EFCAB7: variants seen among roughly 807,000 people sequenced by gnomAD.
EFCAB7 encodes the protein EF-hand calcium binding domain 7, also known as EF-hand calcium-binding domain-containing protein 7.
In EFCAB7, 66 loss-of-function variants were observed where a neutral mutation model predicts 77.1. The observed-to-expected ratio is 0.86, with a 90% CI of 0.70 to 1.05. The LOEUF is 1.05. EFCAB7 is among the 50% of genes least tolerant of loss of function. EFCAB7 has a pLI of 0.00. For missense variants in EFCAB7, 638 were observed against 730.5 expected (o/e 0.87, Z 1.46); for synonymous variants, 225 against 243.3 (o/e 0.92, Z 0.70).
At chr1:63,562,193 C>G (rs1443473340) in intron 11 of EFCAB7, among the ~76,000 whole-genome samples, 2 of 151,784 alleles carry the variant, frequency 1.3e-5, no homozygotes, top group African/African-American at 2.4e-5. Flanking sequence ...TTTGTCTTAA[C>G]AGTTTAAAGG....
chr1:63,527,633 A>G (rs1217830629), intron 2 of EFCAB7, among the ~76,000 whole-genome samples: 4 of 152,190 alleles, frequency 2.6e-5, no homozygotes, highest in Non-Finnish European at 5.9e-5. Flanking sequence ...ACTATCATCA[A>G]ACTTAATCAT....
intron 7 of EFCAB7, chr1:63,550,315 C>T (rs1266583479): frequency 6.6e-6 from 1 of 152,096 alleles, no homozygotes; most frequent in Non-Finnish European, 1.5e-5. Flanking sequence ...ATGGAGCTAA[C>T]ATTTTCAGAG....
intron 7 of EFCAB7, chr1:63,549,618 G>A (rs761231050): frequency 3.7e-5 from 15 of 407,954 alleles, no homozygotes; most frequent in South Asian, 2.9e-4. Flanking sequence ...TAAGTATTTA[G>A]ATATATCGCT....
In EFCAB7 at chr1:63,545,951, C is replaced by G. The variant is rs1339110440; in HGVS notation, c.840C>G (p.Phe280Leu). ...WQHMQSKGCF[F>L]LEEDGEIISH... ...ACATGCAATCAAAAGGTTGCTTCTT[C>G]TTAGAAGAAGATGGTGAAATCATTA... Residue 280 changes from phenylalanine (F) to leucine (L), a missense_variant, in exon 7 of 14, where the codon TTC (phenylalanine) becomes TTG (leucine). By Grantham distance (22) the Phe-to-Leu change is conservative (BLOSUM62 0). Transcript: ENST00000371088. 5 of 1,613,632 alleles carry G rather than the reference C, an allele frequency of 3.1e-6. No individual in the cohort carries two copies. Among genetic ancestry groups the G allele is most frequent in the Non-Finnish European group, 3.4e-6 (4 of 1,179,884 alleles).
At position 63,551,809 on chromosome 1, in the gene EFCAB7, GT is replaced by G; in HGVS notation, c.1035del (p.Phe345LeufsTer16). ...NESQANLQLV[C>X]FTELRNREVF... ...AGTCAAGCAAATCTACAGCTTGTGT[GT>G]TTTACCGAACTACGAAATAGAGAAG... On this transcript the variant is annotated frameshift_variant, in exon 8 of 14. Transcript: ENST00000371088. LOFTEE classifies it high-confidence loss of function. 1 of 1,593,306 alleles carries G rather than the reference GT, an allele frequency of 6.3e-7. No individual in the cohort carries two copies.
chr1:63,575,685 G>A (rs957436454), downstream of EFCAB7, among the ~76,000 whole-genome samples: 9 of 152,036 alleles, frequency 5.9e-5, no homozygotes, highest in African/African-American at 2.2e-4. Flanking sequence ...CTGGGCTCAG[G>A]TGATTCTTCC....
At chr1:63,540,058 C>T (rs4578247) in intron 6 of EFCAB7, among the ~76,000 whole-genome samples, 3,255 of 152,124 alleles carry the variant, frequency 0.021, 122 homozygotes, top group African/African-American at 0.074. Context: ...TGTATCATTA[C>T]TCATCATTAA....
At position 63,568,339 on chromosome 1, in the gene EFCAB7, A is replaced by G. The variant is rs781690719; in HGVS notation, c.1527A>G (p.Ala509=). 6.2e-7 allele frequency: 1 copy of G among 1,603,166 alleles called. No individual in the cohort carries two copies. The highest frequency in any genetic ancestry group is 8.5e-7 in the Non-Finnish European group (1 of 1,176,900). The part of the protein sequence containing the change: ...EACPFVIDIY[A]EKCKPKIKAV... The stretch of plus-strand genomic sequence containing the variant: ...GTCCATTTGTCATTGATATCTATGC[A>G]GAAAAATGCAAGCCAAAAATTAAAG... Residue 509 remains alanine (A), a synonymous_variant, in exon 12 of 14, where the codon GCA becomes GCG. Coordinates refer to ENST00000371088, the MANE Select transcript of EFCAB7 (RefSeq NM_032437.4).
At chr1:63,574,054 T>TA (rs1360564956), downstream of EFCAB7, among the ~76,000 whole-genome samples, 1 of 152,192 alleles carries the variant, frequency 6.6e-6, no homozygotes, top group Non-Finnish European at 1.5e-5. Context: ...GAAAGGCCTC[T>TA]ACCCATCCAA....
chr1:63,575,365 G>T (rs1647382422), downstream of EFCAB7, among the ~76,000 whole-genome samples: 1 of 151,896 alleles, frequency 6.6e-6, no homozygotes, highest in African/African-American at 2.4e-5. Context: ...ATATGAAGCA[G>T]AAACTTAATA....
intron 8 of EFCAB7, 152 bp from the exon 9 acceptor site, chr1:63,555,206 A>G: frequency 3.7e-6 from 3 of 818,978 alleles, no homozygotes; most frequent in Non-Finnish European, 5.3e-6. Context: ...TGAAACCTGT[A>G]AAAAGACTGA....
chr1:63,568,913 A>G (rs1229465548), intron 12 of EFCAB7: 1 of 153,498 alleles, frequency 6.5e-6, no homozygotes, highest in Non-Finnish European at 1.4e-5. Flanking sequence ...GTTTTACACT[A>G]ACGTTGCAGA....
intron 9 of EFCAB7, among the ~76,000 whole-genome samples, chr1:63,555,992 C>T (rs1647026168): frequency 6.6e-6 from 1 of 152,134 alleles, no homozygotes; most frequent in South Asian, 2.1e-4. Flanking sequence ...CCTGCCTCAA[C>T]CTTTCAAAGT....
rs143177505 is a variant in EFCAB7, at chr1:63,568,344, A to C, written c.1532A>C (p.Lys511Thr). Reference sequence around the variant, plus strand: ...TTTGTCATTGATATCTATGCAGAAAAATGCAAGCCAAAAATTAAAGCTGTC... The same window carrying C: ...TTTGTCATTGATATCTATGCAGAAACATGCAAGCCAAAAATTAAAGCTGTC... ...CPFVIDIYAE[K>T]CKPKIKAVHM... Residue 511 changes from lysine (K) to threonine (T), a missense_variant, in exon 12 of 14, where the codon AAA becomes ACA. Transcript: ENST00000371088. 6.9e-6 allele frequency: 11 copies of C among 1,602,970 alleles called. No individual in the cohort carries two copies. Among genetic ancestry groups the C allele is most frequent in the Non-Finnish European group, 7.6e-6 (9 of 1,176,866 alleles).
At chr1:63,571,986 G>A (rs889630090) in intron 13 of EFCAB7, among the ~76,000 whole-genome samples, 1 of 152,126 alleles carries the variant, frequency 6.6e-6, no homozygotes, top group African/African-American at 2.4e-5. Flanking sequence ...GGGTTCAAAG[G>A]CAGGGACAGA....
At chr1:63,527,800 T>G (rs1046465840) in intron 2 of EFCAB7, 3 of 152,224 alleles carry the variant, frequency 2.0e-5, no homozygotes, top group African/African-American at 7.2e-5. Context: ...AGTACATTTT[T>G]TAAAACAATA....
downstream of EFCAB7, among the ~76,000 whole-genome samples, chr1:63,576,540 C>A (rs1323377780): frequency 3.3e-5 from 5 of 151,452 alleles, no homozygotes; most frequent in African/African-American, 1.2e-4. Context: ...GTACTCTTGT[C>A]CAGGTGCAGT....
chr1:63,571,949 A>T (rs192280384), intron 13 of EFCAB7, among the ~76,000 whole-genome samples: 1 of 152,272 alleles, frequency 6.6e-6, no homozygotes, highest in African/African-American at 2.4e-5. Context: ...TGGTGTTAGC[A>T]GAACTCTGGG....
rs1279881216 is a variant in EFCAB7, at chr1:63,557,127, G to C, written c.1228G>C (p.Asp410His). ...TTATAATTTTAGGTCTACTTTATCA[G>C]ATATATTTGAAGTAATTGATTTAGA... ...LTKEFKSTLS[D>H]IFEVIDLDGN... Residue 410 changes from aspartate to histidine, a missense_variant, in exon 10 of 14, where the codon GAT (aspartate) becomes CAT (histidine). By Grantham distance (81) the Asp-to-His change is moderately conservative (BLOSUM62 -1). Coordinates refer to ENST00000371088, the MANE Select transcript of EFCAB7 (RefSeq NM_032437.4). 1.3e-6 allele frequency: 2 copies of C among 1,588,208 alleles called. No individual in the cohort carries two copies. The highest frequency in any genetic ancestry group is 1.7e-6 in the Non-Finnish European group (2 of 1,170,490).
Sources: allele counts gnomAD v4.1 joint callset (sites outside exome capture counted in the v4.1 genomes callset), GRCh38; gene constraint gnomAD v4.1.1; transcripts MANE v1.5; gene names NCBI Gene and HGNC (gene_info 2026-07-23, HGNC 2026-07-21).